The following TAF3 variants were observed in gnomAD, a reference collection of about 807,000 sequenced individuals.
The protein encoded by TAF3 is TATA-box binding protein associated factor 3, also known as transcription initiation factor TFIID subunit 3.
TAF3 carries 7 observed loss-of-function variants against 80.6 expected under a neutral mutation model. That is an observed-to-expected ratio of 0.09 (90% CI 0.05 to 0.16). The LOEUF (loss-of-function observed/expected upper bound fraction) is 0.16. Ranked by LOEUF, TAF3 falls within the 10% of genes least tolerant of loss-of-function variation. TAF3 has a pLI of 1.00. For synonymous variants in TAF3, 444 were observed against 446.1 expected, an observed-to-expected ratio of 1.00 and a Z score of 0.06; for missense variants, 921 against 1,140.2, an observed-to-expected ratio of 0.81 and a Z score of 2.77.
rs573942608 is a variant in TAF3, at chr10:7,851,797, G to C, written c.409+27237G>C. ...TTAATAATTATTTTTTCTTCCTTTTGTTTTCAAGACAGGGTCTCACTCTGG... is the reference window on the plus strand; with the variant it reads ...TTAATAATTATTTTTTCTTCCTTTTCTTTTCAAGACAGGGTCTCACTCTGG... On this transcript the variant is annotated intron_variant, in intron 2 of 6. Transcript: ENST00000344293. Among the ~76,000 whole-genome samples, 3 of 152,032 alleles carry C rather than the reference G, an allele frequency of 2.0e-5. No individual in the cohort carries two copies. The South Asian group carries it at 6.2e-4, about 32-fold the overall frequency.
chr10:7,917,755 G>A (rs1837725211), intron 2 of TAF3, among the ~76,000 whole-genome samples: 2 of 152,214 alleles, frequency 1.3e-5, no homozygotes, highest in Admixed American at 1.3e-4. Flanking sequence ...GAGGAGAAGA[G>A]AGGAAATGAG....
intron 2 of TAF3, among the ~76,000 whole-genome samples, chr10:7,898,525 G>A (rs954306982): frequency 9.9e-5 from 13 of 131,248 alleles, no homozygotes; most frequent in Non-Finnish European, 4.6e-5. Context: ...CAGATTGGGC[G>A]ACAGAACAAG....
chr10:7,883,945 T>A (rs1488732150), intron 2 of TAF3, among the ~76,000 whole-genome samples: 1 of 152,110 alleles, frequency 6.6e-6, no homozygotes, highest in Non-Finnish European at 1.5e-5. Context: ...ACGCAGGGCA[T>A]CACATGGCAA....
chr10:7,936,048 C>T (rs112147355), intron 2 of TAF3, among the ~76,000 whole-genome samples: 51 of 152,148 alleles, frequency 3.4e-4, no homozygotes, highest in African/African-American at 1.2e-3. Context: ...AGAGACACGG[C>T]GGTGTCCTGG....
chr10:7,957,476 T>C (rs1588565738), intron 2 of TAF3, among the ~76,000 whole-genome samples: 1 of 152,202 alleles, frequency 6.6e-6, no homozygotes, highest in Non-Finnish European at 1.5e-5. Context: ...ATGGGTATTA[T>C]TATTTAGCAG....
intron 2 of TAF3, among the ~76,000 whole-genome samples, chr10:7,878,417 T>C (rs1564354604): frequency 1.3e-5 from 2 of 152,120 alleles, no homozygotes; most frequent in Admixed American, 6.6e-5. Flanking sequence ...GAAGACTGGC[T>C]GTGGTTGCCT....
intron 2 of TAF3, among the ~76,000 whole-genome samples, chr10:7,943,170 C>T (rs1443916296): frequency 6.6e-6 from 1 of 152,226 alleles, no homozygotes; most frequent in African/African-American, 2.4e-5. Flanking sequence ...GAACTCCACT[C>T]GGCCTCCAGC....
chr10:7,821,007 A>C (rs78076286), intron 1 of TAF3, among the ~76,000 whole-genome samples: 1,605 of 152,298 alleles, frequency 0.011, 26 homozygotes, highest in African/African-American at 0.037. Flanking sequence ...TTAGATATTC[A>C]AAATGTCTCC....
At chr10:7,936,999 A>T (rs1196329104) in intron 2 of TAF3, among the ~76,000 whole-genome samples, 2 of 151,984 alleles carry the variant, frequency 1.3e-5, no homozygotes, top group African/African-American at 2.4e-5. Context: ...ATTCCTCTGT[A>T]TCTTTTTATG....
chr10:7,842,508 G>T (rs1303216648), intron 2 of TAF3, among the ~76,000 whole-genome samples: 1 of 151,962 alleles, frequency 6.6e-6, no homozygotes, highest in Non-Finnish European at 1.5e-5. Flanking sequence ...TGTAAAAGAA[G>T]AACTAAAATC....
intron 2 of TAF3, among the ~76,000 whole-genome samples, chr10:7,845,332 A>G (rs1219073898): frequency 6.6e-6 from 1 of 151,836 alleles, no homozygotes; most frequent in Non-Finnish European, 1.5e-5. Flanking sequence ...GTGTGTGCAC[A>G]CGGTTCCTGC....
chr10:7,871,086 G>A (rs1366660439), intron 2 of TAF3, among the ~76,000 whole-genome samples: 1 of 152,068 alleles, frequency 6.6e-6, no homozygotes, highest in Non-Finnish European at 1.5e-5. Flanking sequence ...GTAATACACT[G>A]TAGTCAGTCG....
intron 2 of TAF3, among the ~76,000 whole-genome samples, chr10:7,834,252 G>A (rs1004281778): frequency 6.6e-6 from 1 of 152,098 alleles, no homozygotes; most frequent in Admixed American, 6.5e-5. Context: ...CGCTTTTGGG[G>A]CCAAATATAA....
At chr10:7,913,103 C>T (rs968915364) in intron 2 of TAF3, among the ~76,000 whole-genome samples, 4 of 152,126 alleles carry the variant, frequency 2.6e-5, no homozygotes, top group South Asian at 2.1e-4. Flanking sequence ...CACACACGCC[C>T]GTGATGTCTC....
intron 2 of TAF3, among the ~76,000 whole-genome samples, chr10:7,935,570 A>C (rs968434041): frequency 1.3e-5 from 2 of 152,192 alleles, no homozygotes; most frequent in Admixed American, 6.5e-5. Context: ...AGTGACAGAG[A>C]GAGACAACGT....
At chr10:7,828,192 C>T (rs1478368426) in intron 2 of TAF3, among the ~76,000 whole-genome samples, 1 of 152,068 alleles carries the variant, frequency 6.6e-6, no homozygotes, top group African/African-American at 2.4e-5. Flanking sequence ...ATGATTGAGC[C>T]TGTGAATGCC....
At chr10:7,924,775 G>C (rs1047554007) in intron 2 of TAF3, among the ~76,000 whole-genome samples, 9 of 151,536 alleles carry the variant, frequency 5.9e-5, no homozygotes, top group African/African-American at 2.2e-4. Context: ...TGTGGTGAGA[G>C]AGGGACATGA....
intron 4 of TAF3, among the ~76,000 whole-genome samples, chr10:8,002,270 T>G (rs1199900800): frequency 6.6e-6 from 1 of 152,214 alleles, no homozygotes; most frequent in Non-Finnish European, 1.5e-5. Context: ...TCTTTTCTTT[T>G]TTTCTGTTTT....
chr10:7,951,267 A>C (rs1838079016), intron 2 of TAF3, among the ~76,000 whole-genome samples: 1 of 152,246 alleles, frequency 6.6e-6, no homozygotes. Context: ...GCAGCTTAAA[A>C]CAGCAACCGT....
Sources: gnomAD v4.1 joint callset for allele counts (sites outside exome capture counted in the v4.1 genomes callset) on GRCh38, gnomAD v4.1.1 for gene constraint, MANE v1.5 for transcripts, NCBI Gene and HGNC (gene_info 2026-07-23, HGNC 2026-07-21) for gene names.